The following PAICS variants were observed in gnomAD, a reference collection of about 807,000 sequenced individuals.
PAICS encodes the protein bifunctional phosphoribosylaminoimidazole carboxylase/phosphoribosylaminoimidazole succinocarboxamide synthetase.
Under a neutral mutation model 53.7 loss-of-function variants are expected in PAICS, and 33 were observed. That is an observed-to-expected ratio of 0.61 (90% CI 0.47 to 0.82). The LOEUF (loss-of-function observed/expected upper bound fraction) is 0.82, where lower values mean the gene tolerates loss of function less well. Among genes scored for constraint, PAICS ranks in the 40% least tolerant of loss-of-function variants. PAICS has a pLI of 0.00. For missense variants in PAICS, 394 were observed against 494.1 expected, an observed-to-expected ratio of 0.80 and a Z score of 1.92; for synonymous variants, 141 against 167.2, an observed-to-expected ratio of 0.84 and a Z score of 1.21.
At chr4:56,435,291 G>A, upstream of PAICS, 1 of 1,604,846 alleles carries the variant, frequency 6.2e-7, no homozygotes, top group Non-Finnish European at 8.5e-7. Flanking sequence ...CGCCGACTGC[G>A]GGAAGCGGCT....
the PAICS span, among the ~76,000 whole-genome samples, chr4:56,417,988 C>T: frequency 6.6e-6 from 1 of 151,740 alleles, no homozygotes; most frequent in Admixed American, 6.6e-5. Flanking sequence ...TACAGGTGTG[C>T]ACCACACACC....
At position 56,460,433 on chromosome 4, in the gene PAICS, A is replaced by G. The variant is rs887192469; in HGVS notation, c.*895A>G. On this transcript the variant is annotated 3_prime_UTR_variant, in exon 9 of 9. Transcript: ENST00000512576. Reference sequence around the variant, plus strand: ...TACCGTCTTCTCATCCTCTGTACAAAAGCCTCAAGTGAGGGTCAAATTCAA... The same window carrying G: ...TACCGTCTTCTCATCCTCTGTACAAGAGCCTCAAGTGAGGGTCAAATTCAA... 2 of 152,166 alleles carry G rather than the reference A, an allele frequency of 1.3e-5. No individual in the cohort carries two copies. Among genetic ancestry groups the G allele is most frequent in the Non-Finnish European group, 2.9e-5 (2 of 68,054 alleles). 9.4% of individuals were successfully genotyped at this position (152,166 alleles called of 1,614,324 possible).
At chr4:56,419,631 T>C in the PAICS span, 1 of 977,102 alleles carries the variant, frequency 1.0e-6, no homozygotes. Flanking sequence ...TACGTCAGTA[T>C]TGGAACCCTC....
At chr4:56,445,294 T>C (rs1276515730) in intron 2 of PAICS, among the ~76,000 whole-genome samples, 1 of 152,042 alleles carries the variant, frequency 6.6e-6, no homozygotes, top group African/African-American at 2.4e-5. Context: ...GTAAAATGTA[T>C]AAATAATAAT....
intron 2 of PAICS, among the ~76,000 whole-genome samples, chr4:56,443,331 G>A (rs1158308479): frequency 3.3e-5 from 5 of 151,892 alleles, no homozygotes; most frequent in African/African-American, 1.2e-4. Flanking sequence ...ACAGTTATAG[G>A]TGCACGCCAC....
At chr4:56,457,810 A>G (rs1017601318) in intron 8 of PAICS, among the ~76,000 whole-genome samples, 1 of 151,888 alleles carries the variant, frequency 6.6e-6, no homozygotes, top group African/African-American at 2.4e-5. Context: ...CCACCATGCC[A>G]GCTAATTTTG....
chr4:56,434,201 A>G (rs1395401182), upstream of PAICS, among the ~76,000 whole-genome samples: 1 of 152,248 alleles, frequency 6.6e-6, no homozygotes, highest in Non-Finnish European at 1.5e-5. Flanking sequence ...TCAGCTCTTT[A>G]GTAAACAAGG....
chr4:56,419,883 G>A, the PAICS span: 21 of 984,282 alleles, frequency 2.1e-5, no homozygotes, highest in African/African-American at 1.6e-4. Context: ...ATACAAGATC[G>A]TAAGAACAGC....
chr4:56,425,079 A>G, the PAICS span, among the ~76,000 whole-genome samples: 6 of 152,322 alleles, frequency 3.9e-5, no homozygotes, highest in African/African-American at 1.4e-4. Context: ...GTAGCAAAAC[A>G]TATTTCCAAA....
chr4:56,438,403 A>G (rs1292651132), intron 1 of PAICS, among the ~76,000 whole-genome samples: 1 of 114,474 alleles, frequency 8.7e-6, no homozygotes, highest in Non-Finnish European at 1.7e-5. Context: ...ATATATATAT[A>G]AAAGGTTTTT....
the PAICS span, among the ~76,000 whole-genome samples, chr4:56,415,020 C>T: frequency 6.6e-6 from 1 of 152,070 alleles, no homozygotes; most frequent in Admixed American, 6.6e-5. Context: ...ATTTGTTTTC[C>T]TATTTTAACA....
At position 56,462,327 on chromosome 4, in the gene PAICS, C is replaced by T. The variant is rs530430357; in HGVS notation, c.*2789C>T. The T allele has an allele frequency of 6.6e-5, 10 of 152,228 alleles. No homozygotes were observed. The highest frequency in any genetic ancestry group is 1.2e-4 in the Non-Finnish European group (8 of 68,026). The allele number at this position is 152,228 out of a possible 1,614,324, so 9.4% of individuals were successfully genotyped here. A position where few individuals can be genotyped will look rare whatever the true frequency, so the allele number is the denominator to read the frequency against. On this transcript the variant is annotated 3_prime_UTR_variant, in exon 9 of 9. Coordinates refer to ENST00000512576, the MANE Select transcript of PAICS (RefSeq NM_001079524.2). Reference sequence around the variant, plus strand: ...TGTGAACAAGGATGAGAGTGGAAGACAATATAAGCAAAGGCTACATCACTT... The same window carrying T: ...TGTGAACAAGGATGAGAGTGGAAGATAATATAAGCAAAGGCTACATCACTT...
the PAICS span, among the ~76,000 whole-genome samples, chr4:56,417,144 C>A: frequency 1.3e-5 from 2 of 152,090 alleles, no homozygotes; most frequent in African/African-American, 4.8e-5. Flanking sequence ...CCACTGCACC[C>A]GGCCGCTTCT....
the PAICS span, among the ~76,000 whole-genome samples, chr4:56,416,732 T>C: frequency 5.3e-5 from 8 of 152,212 alleles, no homozygotes; most frequent in Admixed American, 5.2e-4. Flanking sequence ...CACTTTAGTG[T>C]TGAGGCAAGG....
At chr4:56,421,064 G>T in the PAICS span, 1 of 152,232 alleles carries the variant, frequency 6.6e-6, no homozygotes, top group African/African-American at 2.4e-5. Context: ...TGTATTTACA[G>T]ACACTCCCCA....
At chr4:56,440,907 A>G (rs1332102705) in intron 1 of PAICS, among the ~76,000 whole-genome samples, 1 of 152,198 alleles carries the variant, frequency 6.6e-6, no homozygotes, top group African/African-American at 2.4e-5. Context: ...AACATCTGTT[A>G]TCTTTACTCT....
chr4:56,413,954 C>T, the PAICS span, among the ~76,000 whole-genome samples: 7 of 152,120 alleles, frequency 4.6e-5, no homozygotes, highest in African/African-American at 1.2e-4. Flanking sequence ...GAAACAATGG[C>T]CTATAATGAT....
chr4:56,459,419 G>T lies in PAICS; in HGVS notation c.1159G>T (p.Ala387Ser), dbSNP rs1719389474. ...TTCTCCAGAAGGATCAGCTCAATTT[G>T]CTGCTCAGATATTTGGGTTAAGCAA... Reference protein sequence around the residue: ...VLSPEGSAQFAAQIFGLSNHL... With the variant: ...VLSPEGSAQFSAQIFGLSNHL... Residue 387 changes from alanine (A) to serine (S), a missense_variant, in exon 9 of 9, where the codon GCT becomes TCT. Physicochemically the swap from Ala to Ser is moderately conservative, Grantham distance 99. This residue lies in a region of PAICS where 95 missense variants were observed against 89.3 expected (regional missense o/e 1.06). Coordinates refer to ENST00000512576, the MANE Select transcript of PAICS (RefSeq NM_001079524.2). The T allele has an allele frequency of 6.2e-7, 1 of 1,607,386 alleles. No homozygotes were observed. The highest frequency in any genetic ancestry group is 8.5e-7 in the Non-Finnish European group (1 of 1,174,930).
At chr4:56,454,366 G>T (rs1167004482) in intron 8 of PAICS, among the ~76,000 whole-genome samples, 1 of 152,144 alleles carries the variant, frequency 6.6e-6, no homozygotes, top group Non-Finnish European at 1.5e-5. Context: ...GCAGACTCTA[G>T]TTGGCCATAT....
Sources: allele counts gnomAD v4.1 joint callset (sites outside exome capture counted in the v4.1 genomes callset), GRCh38; gene constraint gnomAD v4.1.1; regional missense constraint gnomAD v4.1.1; transcripts MANE v1.5; gene names NCBI Gene and HGNC (gene_info 2026-07-23, HGNC 2026-07-21).